Variants in SH3TC2 observed in about 807,000 individuals in gnomAD.
The protein encoded by SH3TC2 is SH3 domain and tetratricopeptide repeat-containing protein 2.
Under a neutral mutation model 124.5 loss-of-function variants are expected in SH3TC2, and 87 were observed. The observed-to-expected ratio is 0.70, with a 90% CI of 0.59 to 0.84. The LOEUF (loss-of-function observed/expected upper bound fraction) is 0.84, where lower values mean the gene tolerates loss of function less well. Ranked by LOEUF, SH3TC2 falls within the 40% of genes least tolerant of loss-of-function variation. The probability of loss-of-function intolerance (pLI) is 0.00; values close to 1 mark genes in which losing one functional copy is unlikely to be tolerated. For missense variants in SH3TC2, 1,536 were observed against 1,566.4 expected (o/e 0.98, Z 0.33); for synonymous variants, 634 against 628.5 (o/e 1.01, Z -0.13).
chr5:149,041,721 TC>T, intron 5 of SH3TC2, 104 bp from the exon 6 acceptor site: 1 of 1,292,304 alleles, frequency 7.7e-7, no homozygotes, highest in Admixed American at 1.9e-5. Context: ...GTACTTTTCT[TC>T]CTGGAAGTAA....
At chr5:149,006,671 AT>A (rs956234180) in intron 16 of SH3TC2, among the ~76,000 whole-genome samples, 2 of 152,180 alleles carry the variant, frequency 1.3e-5, no homozygotes, top group African/African-American at 2.4e-5. Flanking sequence ...CTCAGCGAAG[AT>A]GGGAGCACCT....
intron 12 of SH3TC2, among the ~76,000 whole-genome samples, chr5:149,014,023 G>C (rs1753828524): frequency 6.6e-6 from 1 of 152,158 alleles, no homozygotes; most frequent in Admixed American, 6.5e-5. Flanking sequence ...TTATTTTATA[G>C]AGGAAACAAG....
chr5:149,019,751 T>C lies in SH3TC2; in HGVS notation c.3053+6821A>G, dbSNP rs528319529. Among the ~76,000 whole-genome samples, 6 of 152,306 alleles carry C rather than the reference T, an allele frequency of 3.9e-5. No homozygotes were observed. In the South Asian group the frequency reaches 1.2e-3, roughly 32 times the overall value. ...AATCTTGTTACGAAAGTGAGCTTCA[T>C]TGCTTTTCAACTTGCCTTAGAGACA... On this transcript the variant is annotated intron_variant, in intron 12 of 16. Transcript: ENST00000515425.
intron 1 of SH3TC2, among the ~76,000 whole-genome samples, chr5:149,053,108 C>G (rs771567315): frequency 6.6e-6 from 1 of 152,176 alleles, no homozygotes; most frequent in South Asian, 2.1e-4. Flanking sequence ...AGTTAGGGAA[C>G]CTTGGCTCAA....
intron 12 of SH3TC2, among the ~76,000 whole-genome samples, chr5:149,022,870 T>C (rs992575550): frequency 1.3e-4 from 20 of 152,296 alleles, no homozygotes; most frequent in South Asian, 4.1e-4. Context: ...AGATTAGTGG[T>C]TTCCAGGGTT....
intron 15 of SH3TC2, chr5:149,007,284 G>A (rs1452427334): frequency 9.2e-6 from 6 of 653,594 alleles, no homozygotes; most frequent in Non-Finnish European, 1.7e-5. Flanking sequence ...ACAAACAAAT[G>A]TAACATTACA....
chr5:149,042,750 A>C lies in SH3TC2; in HGVS notation c.473T>G (p.Val158Gly). ...CILVEDTEIQ[V>G]SVDDKHLETI... ...TTCCAGGTGTTTATCATCTACAGAC[A>C]CTTGGATCTCTGTATCCTCCACCAA... The change falls in exon 5 of 17, where the codon GTG (valine) becomes GGG (glycine). Residue 158 changes from valine (V) to glycine (G), a missense_variant. By Grantham distance (109) the Val-to-Gly change is moderately radical. This residue lies in a region of SH3TC2 where 1,102 missense variants were observed against 1,098.6 expected (regional missense o/e 1.00). Transcript: ENST00000515425. 3 of 1,614,172 alleles carry C rather than the reference A, an allele frequency of 1.9e-6. No individual in the cohort carries two copies. The highest frequency in any genetic ancestry group is 2.5e-6 in the Non-Finnish European group (3 of 1,180,028).
At chr5:149,056,715 G>A (rs1754654803) in intron 1 of SH3TC2, among the ~76,000 whole-genome samples, 1 of 152,120 alleles carries the variant, frequency 6.6e-6, no homozygotes, top group African/African-American at 2.4e-5. Context: ...TAAGGAAGCT[G>A]GAAAATTAGA....
intron 1 of SH3TC2, among the ~76,000 whole-genome samples, chr5:149,052,460 C>G (rs1402059570): frequency 6.6e-6 from 1 of 152,204 alleles, no homozygotes; most frequent in Non-Finnish European, 1.5e-5. Flanking sequence ...GTATGCCCAT[C>G]TTATTAAAAA....
rs919088184 is a variant in SH3TC2 at position 148,999,757 on chromosome 5, C to T, written c.*4954G>A. Among the ~76,000 whole-genome samples, 1 of 152,196 alleles carries T rather than the reference C, an allele frequency of 6.6e-6. No individual in the cohort carries two copies. The highest frequency in any genetic ancestry group is 1.5e-5 in the Non-Finnish European group (1 of 68,042). On this transcript the variant is annotated 3_prime_UTR_variant, in exon 17 of 17. Coordinates refer to ENST00000515425, the MANE Select transcript of SH3TC2 (RefSeq NM_024577.4). Reference sequence around the variant, plus strand: ...CTCCACTGCTGCCCTAATCTAGTCTCATGCTGCTTCTAGAATCATCTTTCC... The same window carrying T: ...CTCCACTGCTGCCCTAATCTAGTCTTATGCTGCTTCTAGAATCATCTTTCC...
At chr5:149,056,886 C>T (rs1029766242) in intron 1 of SH3TC2, among the ~76,000 whole-genome samples, 5 of 152,042 alleles carry the variant, frequency 3.3e-5, no homozygotes, top group African/African-American at 1.2e-4. Flanking sequence ...AAAAAACTGT[C>T]ATATAGAATA....
At position 149,028,727 on chromosome 5, in the gene SH3TC2, A is replaced by G. The variant is rs1240615636; in HGVS notation, c.1136-9T>C. The G allele has an allele frequency of 6.2e-7, 1 of 1,614,154 alleles. No individual in the cohort carries two copies. Among genetic ancestry groups the G allele is most frequent in the Non-Finnish European group, 8.5e-7 (1 of 1,180,014 alleles). The stretch of plus-strand genomic sequence containing the variant: ...GATGGATTCAAACCCACCTAAGTAG[A>G]GATGAAGAACAGGTCTGGTGTTAGG... On this transcript the variant is annotated splice_polypyrimidine_tract_variant and intron_variant, in intron 9 of 16. Coordinates refer to ENST00000515425, the MANE Select transcript of SH3TC2 (RefSeq NM_024577.4).
chr5:149,027,427 C>A lies in SH3TC2; in HGVS notation c.2305G>T (p.Glu769Ter). The change falls in exon 11 of 17, where the codon GAG (glutamate) becomes TAG (stop). Residue 769 changes from glutamate (E) to a stop codon, truncating the protein, a stop_gained. Transcript: ENST00000515425. LOFTEE classifies it high-confidence loss of function. ...LCLILSKVYL[E>*]HRSPDGAIHY... Reference sequence around the variant, plus strand: ...ATGGCACCGTCAGGAGACCTGTGCTCGAGGTACACTTTGGAAAGGATGAGA... The same window carrying A: ...ATGGCACCGTCAGGAGACCTGTGCTAGAGGTACACTTTGGAAAGGATGAGA... The A allele has an allele frequency of 6.2e-7, 1 of 1,614,108 alleles. No homozygotes were observed. The highest frequency in any genetic ancestry group is 8.5e-7 in the Non-Finnish European group (1 of 1,180,050).
rs774314787 is a variant in SH3TC2 at position 149,041,413 on chromosome 5, C to T, written c.731+3G>A. 1.9e-6 allele frequency: 3 copies of T among 1,612,390 alleles called. No homozygotes were observed. In the South Asian group the frequency reaches 3.3e-5, roughly 18 times the overall value. On this transcript the variant is annotated splice_donor_region_variant and intron_variant, in intron 6 of 16. Transcript: ENST00000515425. ...TGCTCCCAGGAGGCAGATGGCTACT[C>T]ACTGGTGGAAAGGGAGAGGCAGAGG...
chr5:149,032,727 T>C (rs1754217979), intron 8 of SH3TC2, among the ~76,000 whole-genome samples: 1 of 152,180 alleles, frequency 6.6e-6, no homozygotes, highest in African/African-American at 2.4e-5. Flanking sequence ...AGAACTTCTC[T>C]AATTAAAGCA....
At chr5:149,042,579 T>A in intron 5 of SH3TC2, 115 bp downstream of exon 5, 1 of 1,335,022 alleles carries the variant, frequency 7.5e-7, no homozygotes. Context: ...TGGGTTCATT[T>A]GTGAATATTC....
chr5:149,018,666 A>G (rs961369271), intron 12 of SH3TC2, among the ~76,000 whole-genome samples: 6 of 152,202 alleles, frequency 3.9e-5, no homozygotes, highest in Non-Finnish European at 7.3e-5. Context: ...GGGAGCAATA[A>G]TTCAAGGTAA....
intron 12 of SH3TC2, among the ~76,000 whole-genome samples, chr5:149,017,957 ATAC>A (rs1329939258): frequency 6.6e-6 from 1 of 152,214 alleles, no homozygotes; most frequent in Non-Finnish European, 1.5e-5. Flanking sequence ...ATCTATTTTC[ATAC>A]TACAACTGCA....
At chr5:149,047,733 T>G in intron 3 of SH3TC2, 129 bp downstream of exon 3, 2 of 1,200,386 alleles carry the variant, frequency 1.7e-6, no homozygotes. Context: ...CTTTCATTCA[T>G]TCAGTCTACC....
Sources: allele counts gnomAD v4.1 joint callset (sites outside exome capture counted in the v4.1 genomes callset), GRCh38; gene constraint gnomAD v4.1.1; regional missense constraint gnomAD v4.1.1; transcripts MANE v1.5; gene names NCBI Gene and HGNC (gene_info 2026-07-23, HGNC 2026-07-21).